Variants in SPAG17 observed in about 807,000 individuals in gnomAD.
SPAG17 encodes sperm associated antigen 17.
A neutral mutation model predicts 273.6 loss-of-function variants in SPAG17; 169 were observed. The ratio of observed to expected loss-of-function variants is 0.62; its 90% confidence interval spans 0.55 to 0.70. The LOEUF is 0.70. Ranked by LOEUF, SPAG17 falls within the 30% of genes least tolerant of loss-of-function variation. SPAG17 has a pLI of 0.00. For missense variants in SPAG17, 2,557 were observed against 2,627.8 expected (o/e 0.97, Z 0.59); for synonymous variants, 825 against 873.2 (o/e 0.94, Z 0.97).
Position 118,036,692 on chromosome 1 carries a change from T to A in SPAG17, c.3433+78A>T, listed in dbSNP as rs1003163659. 8.9e-6 allele frequency: 8 copies of A among 896,444 alleles called. No homozygotes were observed. The African/African-American group carries it at 1.4e-4, about 15-fold the overall frequency. The allele number at this position is 896,444 out of a possible 1,614,324, so 55.5% of individuals were successfully genotyped here. On this transcript the variant is annotated intron_variant, in intron 24 of 48. Transcript: ENST00000336338. ...TAAATCATAACATGTTATTGACAAG[T>A]GAGCAGACTGAGAATGGGCAGTGGC...
chr1:118,119,583 C>G (rs527569400), intron 3 of SPAG17, among the ~76,000 whole-genome samples: 35 of 152,332 alleles, frequency 2.3e-4, no homozygotes, highest in African/African-American at 8.2e-4. Context: ...ACTTCATATT[C>G]AACCTATTTT....
intron 31 of SPAG17, among the ~76,000 whole-genome samples, chr1:118,007,220 G>C (rs980300489): frequency 1.3e-5 from 2 of 151,548 alleles, no homozygotes; most frequent in Non-Finnish European, 2.9e-5. Flanking sequence ...CACCTTCCTT[G>C]CCCCATAATA....
At chr1:118,080,403 G>A (rs1177489972) in intron 15 of SPAG17, among the ~76,000 whole-genome samples, 2 of 152,186 alleles carry the variant, frequency 1.3e-5, no homozygotes, top group Non-Finnish European at 2.9e-5. Context: ...GCCTAATTCT[G>A]TTGGGCTAGA....
intron 3 of SPAG17, among the ~76,000 whole-genome samples, chr1:118,129,291 T>C (rs1169419712): frequency 1.3e-5 from 2 of 152,268 alleles, no homozygotes; most frequent in Non-Finnish European, 2.9e-5. Flanking sequence ...GAGAGATTTA[T>C]GCCTTCTAAT....
At chr1:118,002,388 C>A (rs1571206157) in intron 32 of SPAG17, among the ~76,000 whole-genome samples, 1 of 152,184 alleles carries the variant, frequency 6.6e-6, no homozygotes, top group East Asian at 1.9e-4. Flanking sequence ...TGTTAACCTT[C>A]TGTCTCATTG....
intron 1 of SPAG17, among the ~76,000 whole-genome samples, chr1:118,177,960 A>C (rs528356500): frequency 1.3e-5 from 2 of 152,292 alleles, no homozygotes; most frequent in Non-Finnish European, 2.9e-5. Flanking sequence ...AGGACATGAC[A>C]GCTTCATTGC....
At chr1:117,965,412 A>G (rs978479475) in intron 47 of SPAG17, 3 of 152,194 alleles carry the variant, frequency 2.0e-5, no homozygotes, top group East Asian at 3.8e-4. Context: ...TAAAATTATT[A>G]TATCTCCAAT....
At chr1:118,108,193 C>T (rs1466222603) in intron 4 of SPAG17, among the ~76,000 whole-genome samples, 1 of 152,194 alleles carries the variant, frequency 6.6e-6, no homozygotes, top group Non-Finnish European at 1.5e-5. Flanking sequence ...TCCTCCCATC[C>T]TTCATACTGA....
rs571605572 is a variant in SPAG17 at position 118,039,525 on chromosome 1, G to A, written c.3167-81C>T. The A allele has an allele frequency of 1.6e-5, 23 of 1,411,346 alleles. No individual in the cohort carries two copies. The South Asian group carries it at 2.6e-4, about 16-fold the overall frequency. The allele number at this position is 1,411,346 out of a possible 1,614,324, so 87.4% of individuals were successfully genotyped here. ...CTCGACAAGATGGTTACACAATGCT[G>A]CACAGAAACAAACACACGAACAGAA... On this transcript the variant is annotated intron_variant, in intron 22 of 48. Coordinates refer to ENST00000336338, the MANE Select transcript of SPAG17 (RefSeq NM_206996.4).
At chr1:118,050,571 A>C (rs1650881161) in intron 20 of SPAG17, among the ~76,000 whole-genome samples, 1 of 152,214 alleles carries the variant, frequency 6.6e-6, no homozygotes, top group South Asian at 2.1e-4. Context: ...AATACAATAG[A>C]GGGCCCATAA....
At chr1:118,048,909 TAAAA>T (rs1650678737) in intron 20 of SPAG17, among the ~76,000 whole-genome samples, 1 of 151,324 alleles carries the variant, frequency 6.6e-6, no homozygotes, top group African/African-American at 2.4e-5. Context: ...AAAATAAAAA[TAAAA>T]AATAAAATAC....
At chr1:118,007,256 G>C (rs949662872) in intron 31 of SPAG17, among the ~76,000 whole-genome samples, 3 of 152,134 alleles carry the variant, frequency 2.0e-5, no homozygotes, top group African/African-American at 4.8e-5. Context: ...AGAGGTGGAA[G>C]GATAACATTA....
At chr1:118,176,875 A>C (rs543181576) in intron 1 of SPAG17, among the ~76,000 whole-genome samples, 73 of 152,346 alleles carry the variant, frequency 4.8e-4, no homozygotes, top group African/African-American at 1.6e-3. Context: ...AAGGAATAAA[A>C]CTGGAAATCA....
chr1:117,977,320 CA>C (rs1030502832), intron 43 of SPAG17, among the ~76,000 whole-genome samples: 1 of 151,860 alleles, frequency 6.6e-6, no homozygotes, highest in Non-Finnish European at 1.5e-5. Context: ...GACTCCCTCT[CA>C]AAAAAAGAAA....
intron 32 of SPAG17, among the ~76,000 whole-genome samples, chr1:117,998,187 G>T (rs1045259407): frequency 6.6e-6 from 1 of 152,048 alleles, no homozygotes; most frequent in African/African-American, 2.4e-5. Context: ...TTGTAGTTTA[G>T]GTTTTACATT....
intron 1 of SPAG17, among the ~76,000 whole-genome samples, chr1:118,182,280 G>T (rs113042291): frequency 1.3e-5 from 2 of 152,234 alleles, no homozygotes; most frequent in African/African-American, 4.8e-5. Flanking sequence ...CAGCTTCCAG[G>T]GGGTGAGGAG....
At chr1:118,137,023 G>C (rs1051293240) in intron 3 of SPAG17, among the ~76,000 whole-genome samples, 15 of 152,126 alleles carry the variant, frequency 9.9e-5, no homozygotes, top group African/African-American at 3.4e-4. Context: ...AATCTCATTA[G>C]TTACGAAATG....
Position 118,101,776 on chromosome 1 carries a change from G to C in SPAG17, c.598C>G (p.Arg200Gly), listed in dbSNP as rs143258028. Residue 200 changes from arginine (R) to glycine (G), a missense_variant, in exon 5 of 49, where the codon CGG (arginine) becomes GGG (glycine). Coordinates refer to ENST00000336338, the MANE Select transcript of SPAG17 (RefSeq NM_206996.4). ...TTGGTGTGGTCGTCTTCTCCTCTCCGCTTTAACTGGGTGGTCTTTTTCACT... is the reference window on the plus strand; with the variant it reads ...TTGGTGTGGTCGTCTTCTCCTCTCCCCTTTAACTGGGTGGTCTTTTTCACT... ...APVKKTTQLKRRGEDDHTNRY... is the reference protein window; with the variant it reads ...APVKKTTQLKGRGEDDHTNRY... 1 of 1,613,834 alleles carries C rather than the reference G, an allele frequency of 6.2e-7. No homozygotes were observed. Among genetic ancestry groups the C allele is most frequent in the Non-Finnish European group, 8.5e-7 (1 of 1,179,928 alleles).
intron 3 of SPAG17, among the ~76,000 whole-genome samples, chr1:118,126,022 C>A (rs1202643208): frequency 1.4e-5 from 2 of 147,256 alleles, no homozygotes; most frequent in South Asian, 2.2e-4. Flanking sequence ...TTAGCATCCT[C>A]ACCAGCCTCT....
Sources: allele counts gnomAD v4.1 joint callset (sites outside exome capture counted in the v4.1 genomes callset), GRCh38; gene constraint gnomAD v4.1.1; transcripts MANE v1.5; gene names NCBI Gene and HGNC (gene_info 2026-07-23, HGNC 2026-07-21).